EXOC4: variants seen among roughly 807,000 people sequenced by gnomAD.
The protein encoded by EXOC4 is SEC8-like 1.
EXOC4 carries 71 observed loss-of-function variants against 107.2 expected under a neutral mutation model. The observed-to-expected ratio is 0.66, with a 90% CI of 0.55 to 0.81. EXOC4 has a LOEUF of 0.81. Among genes scored for constraint, EXOC4 ranks in the 30% least tolerant of loss-of-function variants. EXOC4 has a pLI of 0.00. For missense variants in EXOC4, 1,108 were observed against 1,189.6 expected, an observed-to-expected ratio of 0.93 and a Z score of 1.01; for synonymous variants, 456 against 441.2, an observed-to-expected ratio of 1.03 and a Z score of -0.42.
At chr7:134,022,440 T>C (rs2116430778) in intron 17 of EXOC4, among the ~76,000 whole-genome samples, 1 of 152,302 alleles carries the variant, frequency 6.6e-6, no homozygotes, top group East Asian at 1.9e-4. Context: ...TTACTGTCTG[T>C]TGTACAGAGG....
chr7:133,551,474 C>T (rs1420145163), intron 9 of EXOC4: 1 of 151,892 alleles, frequency 6.6e-6, no homozygotes, highest in Non-Finnish European at 1.5e-5. Flanking sequence ...CAAAATTGCT[C>T]TCTTTTTTGG....
chr7:133,979,704 C>T (rs548439949), intron 14 of EXOC4, among the ~76,000 whole-genome samples: 59 of 151,988 alleles, frequency 3.9e-4, no homozygotes, highest in African/African-American at 1.2e-3. Flanking sequence ...AGGAGAATGG[C>T]GTGAACCTGG....
chr7:133,705,624 T>C (rs1562916832), intron 10 of EXOC4, among the ~76,000 whole-genome samples: 1 of 152,210 alleles, frequency 6.6e-6, no homozygotes. Flanking sequence ...GCATCACTAC[T>C]TTTGGACTCT....
At chr7:133,485,402 G>C (rs1799251134) in intron 9 of EXOC4, among the ~76,000 whole-genome samples, 1 of 151,910 alleles carries the variant, frequency 6.6e-6, no homozygotes, top group African/African-American at 2.4e-5. Context: ...TTGGTCCTGG[G>C]ATTTCTTCTG....
chr7:133,893,041 T>G (rs1799230005), intron 11 of EXOC4, among the ~76,000 whole-genome samples: 1 of 73,408 alleles, frequency 1.4e-5, no homozygotes, highest in Non-Finnish European at 2.3e-5. Context: ...AAGTCTCCCA[T>G]TATTAATGTG....
chr7:133,272,756 A>G (rs1793901820), intron 1 of EXOC4, among the ~76,000 whole-genome samples: 1 of 152,200 alleles, frequency 6.6e-6, no homozygotes, highest in Non-Finnish European at 1.5e-5. Flanking sequence ...AAAAAGGAAA[A>G]TAGGAGGCAG....
chr7:133,365,253 C>T (rs1276394215), intron 6 of EXOC4, among the ~76,000 whole-genome samples: 6 of 152,200 alleles, frequency 3.9e-5, no homozygotes, highest in Non-Finnish European at 8.8e-5. Flanking sequence ...AGAATATGCA[C>T]CTAAAATCTT....
At chr7:133,408,480 G>T (rs753200826) in intron 7 of EXOC4, among the ~76,000 whole-genome samples, 1 of 151,578 alleles carries the variant, frequency 6.6e-6, no homozygotes. Flanking sequence ...GATGATGGAG[G>T]TCACAGTAGG....
chr7:133,935,198 G>A (rs180821728), intron 13 of EXOC4, among the ~76,000 whole-genome samples: 3 of 152,078 alleles, frequency 2.0e-5, no homozygotes, highest in East Asian at 3.9e-4. Context: ...TGTTTGAGAA[G>A]AGCTACTGCA....
chr7:133,634,958 T>A (rs1274760934), intron 10 of EXOC4, among the ~76,000 whole-genome samples: 1 of 113,946 alleles, frequency 8.8e-6, no homozygotes, highest in African/African-American at 3.3e-5. Context: ...TTCCTGTCTT[T>A]CAGCTCTCTC....
chr7:133,574,638 G>A (rs574879442), intron 9 of EXOC4, among the ~76,000 whole-genome samples: 47 of 152,228 alleles, frequency 3.1e-4, no homozygotes, highest in Non-Finnish European at 6.2e-4. Context: ...TTCTTTACAC[G>A]AATGAAGAAT....
At chr7:133,331,704 A>G (rs1315799336) in intron 5 of EXOC4, among the ~76,000 whole-genome samples, 1 of 151,900 alleles carries the variant, frequency 6.6e-6, no homozygotes, top group Admixed American at 6.6e-5. Flanking sequence ...TGACCTTGTG[A>G]TCCGCCCGCC....
At chr7:133,711,504 T>C (rs1391662644) in intron 10 of EXOC4, among the ~76,000 whole-genome samples, 1 of 152,028 alleles carries the variant, frequency 6.6e-6, no homozygotes, top group African/African-American at 2.4e-5. Flanking sequence ...TTAGGGAAAA[T>C]AGACTCAGTG....
chr7:133,920,737 C>T (rs1316300546), intron 13 of EXOC4, among the ~76,000 whole-genome samples: 1 of 152,184 alleles, frequency 6.6e-6, no homozygotes, highest in Non-Finnish European at 1.5e-5. Context: ...TTTGTTTATT[C>T]CTTCCCTAAT....
chr7:133,859,319 GA>G (rs1798483880), intron 11 of EXOC4, among the ~76,000 whole-genome samples: 1 of 152,134 alleles, frequency 6.6e-6, no homozygotes, highest in African/African-American at 2.4e-5. Flanking sequence ...CTCACCCAGA[GA>G]GCTTTTCTGA....
At chr7:133,863,279 T>C (rs1424373954) in intron 11 of EXOC4, among the ~76,000 whole-genome samples, 1 of 152,078 alleles carries the variant, frequency 6.6e-6, no homozygotes, top group Non-Finnish European at 1.5e-5. Context: ...TCCAAATGAA[T>C]TTTAAAAATT....
chr7:133,995,353 G>T (rs188262147), intron 14 of EXOC4, among the ~76,000 whole-genome samples: 8 of 152,266 alleles, frequency 5.3e-5, no homozygotes, highest in Non-Finnish European at 7.4e-5. Context: ...AGACTTCAAA[G>T]TCCAATTTCT....
At chr7:133,568,942 T>G (rs1047495403) in intron 9 of EXOC4, among the ~76,000 whole-genome samples, 1 of 152,202 alleles carries the variant, frequency 6.6e-6, no homozygotes, top group Non-Finnish European at 1.5e-5. Flanking sequence ...ATAGATCAAC[T>G]GATATGATTC....
intron 10 of EXOC4, among the ~76,000 whole-genome samples, chr7:133,705,788 C>T (rs1435947643): frequency 6.6e-6 from 1 of 152,168 alleles, no homozygotes; most frequent in African/African-American, 2.4e-5. Flanking sequence ...GATTCATATC[C>T]TGGATGAGAC....
Sources: allele counts gnomAD v4.1 joint callset (sites outside exome capture counted in the v4.1 genomes callset), GRCh38; gene constraint gnomAD v4.1.1; transcripts MANE v1.5; gene names NCBI Gene and HGNC (gene_info 2026-07-23, HGNC 2026-07-21).